Variants in CAP2 observed in about 807,000 individuals in gnomAD.
CAP2 encodes the protein cyclase associated actin cytoskeleton regulatory protein 2.
A neutral mutation model predicts 57.7 loss-of-function variants in CAP2; 24 were observed. The observed-to-expected ratio is 0.42, with a 90% CI of 0.30 to 0.58. The LOEUF (loss-of-function observed/expected upper bound fraction) is 0.58, where lower values mean the gene tolerates loss of function less well. Ranked by LOEUF, CAP2 falls within the 20% of genes least tolerant of loss-of-function variation. The probability of loss-of-function intolerance (pLI) is 0.22; values close to 1 mark genes in which losing one functional copy is unlikely to be tolerated. For synonymous variants in CAP2, 194 were observed against 207.2 expected, an observed-to-expected ratio of 0.94 and a Z score of 0.55; for missense variants, 501 against 590.3, an observed-to-expected ratio of 0.85 and a Z score of 1.57.
At chr6:17,500,861 A>G (rs1419848272) in intron 4 of CAP2, among the ~76,000 whole-genome samples, 1 of 152,234 alleles carries the variant, frequency 6.6e-6, no homozygotes, top group Non-Finnish European at 1.5e-5. Context: ...ACACACATAC[A>G]CACATGCATC....
intron 7 of CAP2, among the ~76,000 whole-genome samples, chr6:17,530,320 G>A (rs7774861): frequency 0.24 from 36,140 of 151,894 alleles, 5,201 homozygotes; most frequent in African/African-American, 0.4. Flanking sequence ...AGCTCAAGTG[G>A]CCCTTCCACC....
chr6:17,468,094 A>G (rs940673863), intron 4 of CAP2, among the ~76,000 whole-genome samples: 4 of 152,142 alleles, frequency 2.6e-5, no homozygotes, highest in Non-Finnish European at 4.4e-5. Context: ...GGCTTATTTC[A>G]CGTAACATAA....
chr6:17,458,051 T>A (rs1051066773), intron 3 of CAP2, among the ~76,000 whole-genome samples: 1 of 152,214 alleles, frequency 6.6e-6, no homozygotes, highest in African/African-American at 2.4e-5. Context: ...AAGTTGTATT[T>A]TGTAGTCTTT....
intron 3 of CAP2, among the ~76,000 whole-genome samples, chr6:17,452,843 C>G (rs550213715): frequency 6.6e-6 from 1 of 152,264 alleles, no homozygotes; most frequent in African/African-American, 2.4e-5. Flanking sequence ...CTCACCCTCA[C>G]CTCACCCGTA....
intron 1 of CAP2, among the ~76,000 whole-genome samples, chr6:17,420,894 T>C (rs1006010593): frequency 1.3e-5 from 2 of 152,250 alleles, no homozygotes; most frequent in Admixed American, 6.5e-5. Context: ...ATTTTTCTGA[T>C]ATTTAGAAAT....
At chr6:17,535,991 G>T (rs1762763605) in intron 7 of CAP2, among the ~76,000 whole-genome samples, 1 of 152,038 alleles carries the variant, frequency 6.6e-6, no homozygotes, top group Admixed American at 6.6e-5. Flanking sequence ...GCTAATTTTT[G>T]TATTTTTAGT....
chr6:17,543,674 C>T (rs1321362953), intron 11 of CAP2, among the ~76,000 whole-genome samples: 1 of 151,164 alleles, frequency 6.6e-6, no homozygotes, highest in East Asian at 2.0e-4. Flanking sequence ...CCATGGCCAC[C>T]TAAAATACTC....
At chr6:17,458,783 G>A (rs1184206118) in intron 3 of CAP2, among the ~76,000 whole-genome samples, 1 of 150,930 alleles carries the variant, frequency 6.6e-6, no homozygotes, top group Non-Finnish European at 1.5e-5. Context: ...AACAGATGTG[G>A]AGCTAAAAAG....
intron 4 of CAP2, among the ~76,000 whole-genome samples, chr6:17,477,698 TCCTGA>T (rs1463557269): frequency 6.6e-6 from 1 of 152,210 alleles, no homozygotes; most frequent in African/African-American, 2.4e-5. Context: ...CATAATTATG[TCCTGA>T]CCTATCGATT....
intron 11 of CAP2, among the ~76,000 whole-genome samples, chr6:17,544,993 G>A (rs1763008263): frequency 6.6e-6 from 1 of 152,210 alleles, no homozygotes; most frequent in Non-Finnish European, 1.5e-5. Flanking sequence ...ATGGTTCATA[G>A]AAACCTAATG....
intron 3 of CAP2, among the ~76,000 whole-genome samples, chr6:17,447,834 A>G (rs1329020090): frequency 6.6e-6 from 1 of 152,214 alleles, no homozygotes; most frequent in East Asian, 1.9e-4. Context: ...TAATGAAACC[A>G]TGCCTCAGAA....
chr6:17,448,004 G>A (rs950421837), intron 3 of CAP2, among the ~76,000 whole-genome samples: 1 of 152,214 alleles, frequency 6.6e-6, no homozygotes, highest in Admixed American at 6.5e-5. Context: ...CTGAGCTTCT[G>A]TTGTAACAAA....
intron 4 of CAP2, among the ~76,000 whole-genome samples, chr6:17,492,939 A>AT (rs1761579858): frequency 6.6e-6 from 1 of 152,220 alleles, no homozygotes. Context: ...ATTGTAACAG[A>AT]TAAAAAGAAC....
chr6:17,444,891 C>A (rs936202323), intron 3 of CAP2, among the ~76,000 whole-genome samples: 2 of 151,320 alleles, frequency 1.3e-5, no homozygotes, highest in Admixed American at 1.3e-4. Flanking sequence ...ATCCAGTACC[C>A]GCCTCATTCC....
intron 11 of CAP2, among the ~76,000 whole-genome samples, chr6:17,550,292 TA>T (rs1021641069): frequency 1.3e-5 from 2 of 151,630 alleles, no homozygotes; most frequent in African/African-American, 4.8e-5. Context: ...ATCTAGAAAT[TA>T]CCAAAACATT....
intron 4 of CAP2, among the ~76,000 whole-genome samples, chr6:17,469,794 C>A (rs933464720): frequency 6.6e-6 from 1 of 152,158 alleles, no homozygotes; most frequent in Non-Finnish European, 1.5e-5. Flanking sequence ...CTTGGCCGTT[C>A]CTCCATCTCT....
At chr6:17,453,538 G>T (rs1760469455) in intron 3 of CAP2, among the ~76,000 whole-genome samples, 1 of 152,170 alleles carries the variant, frequency 6.6e-6, no homozygotes, top group Non-Finnish European at 1.5e-5. Flanking sequence ...ACAGTGAACG[G>T]AATCCTTATC....
intron 3 of CAP2, among the ~76,000 whole-genome samples, chr6:17,430,631 C>T (rs887248842): frequency 2.6e-5 from 4 of 151,904 alleles, no homozygotes; most frequent in African/African-American, 4.8e-5. Context: ...CTCCACCTCC[C>T]GGGTTCAAGC....
At chr6:17,556,303 A>G in intron 12 of CAP2, 56 bp from the exon 13 acceptor site, 1 of 1,236,824 alleles carries the variant, frequency 8.1e-7, no homozygotes, top group South Asian at 1.2e-5. Context: ...AGGAAGCCTT[A>G]GTTTAAATAA....
Sources: allele counts gnomAD v4.1 joint callset (sites outside exome capture counted in the v4.1 genomes callset), GRCh38; gene constraint gnomAD v4.1.1; transcripts MANE v1.5; gene names NCBI Gene and HGNC (gene_info 2026-07-23, HGNC 2026-07-21).